SGIP1: variants seen among roughly 807,000 people sequenced by gnomAD.
SGIP1 encodes the protein SH3-containing GRB2-like protein 3-interacting protein 1.
In SGIP1, 38 loss-of-function variants were observed where a neutral mutation model predicts 107.5. That is an observed-to-expected ratio of 0.35 (90% CI 0.27 to 0.46). SGIP1 has a LOEUF of 0.46. SGIP1 is among the 20% of genes least tolerant of loss of function. The pLI is 1.00. For missense variants in SGIP1, 929 were observed against 1,019.5 expected, an observed-to-expected ratio of 0.91 and a Z score of 1.21; for synonymous variants, 365 against 366.1, an observed-to-expected ratio of 1.00 and a Z score of 0.03.
intron 22 of SGIP1, 66 bp from the exon 23 acceptor site, chr1:66,740,592 A>G (rs1053713275): frequency 2.0e-6 from 2 of 1,005,458 alleles, no homozygotes; most frequent in African/African-American, 3.3e-5. Context: ...TCTGGAAAAA[A>G]AACATGGCAT....
At chr1:66,642,732 T>C in intron 5 of SGIP1, 78 bp from the exon 6 acceptor site, 1 of 1,249,596 alleles carries the variant, frequency 8.0e-7, no homozygotes, top group Non-Finnish European at 1.1e-6. Flanking sequence ...TATCCTTAAA[T>C]AGAAGACTCT....
chr1:66,631,681 T>TTCTCTCTCTCTCTCTCTCTCTCTCTCTC (rs71058468), intron 2 of SGIP1, among the ~76,000 whole-genome samples: 10 of 132,160 alleles, frequency 7.6e-5, no homozygotes, highest in African/African-American at 1.4e-4. Flanking sequence ...CTCTCTCTCT[T>TTCTCTCTCTCTCTCTCTCTCTCTCTCTC]TCTCTCTCTC....
rs757734624 is a variant in SGIP1, at chr1:66,749,678, G to A, written c.*6583G>A. ...CATAAGCCATTTATAATTTTTAAAC[G>A]TTCCATTGAATGAGTATATCATACA... On this transcript the variant is annotated 3_prime_UTR_variant, in exon 25 of 25. Coordinates refer to ENST00000371037, the MANE Select transcript of SGIP1 (RefSeq NM_032291.4). Among the ~76,000 whole-genome samples the A allele has an allele frequency of 2.0e-5, 3 of 151,884 alleles. No individual in the cohort carries two copies. Among genetic ancestry groups the A allele is most frequent in the South Asian group, 4.1e-4 (2 of 4,830 alleles).
Position 66,671,851 on chromosome 1 carries a change from C to T in SGIP1, c.509-93C>T, listed in dbSNP as rs1041535265. ...CATACTGAGTTGCTTATTGATGGGACTTAAATCTCTAAGTGTTTCCAAACA... is the reference window on the plus strand; with the variant it reads ...CATACTGAGTTGCTTATTGATGGGATTTAAATCTCTAAGTGTTTCCAAACA... On this transcript the variant is annotated intron_variant, in intron 10 of 24. Coordinates refer to ENST00000371037, the MANE Select transcript of SGIP1 (RefSeq NM_032291.4). 9 of 1,245,006 alleles carry T rather than the reference C, an allele frequency of 7.2e-6. No homozygotes were observed. The African/African-American group carries it at 1.3e-4, about 19-fold the overall frequency. 77.1% of individuals were successfully genotyped at this position (1,245,006 alleles called of 1,614,324 possible). A position where few individuals can be genotyped will look rare whatever the true frequency, so the allele number is the denominator to read the frequency against.
intron 18 of SGIP1, among the ~76,000 whole-genome samples, chr1:66,706,067 T>C (rs1476559492): frequency 6.6e-6 from 1 of 151,942 alleles, no homozygotes; most frequent in East Asian, 1.9e-4. Context: ...TAACAAAATG[T>C]TTCTGAATTC....
chr1:66,735,194 G>GTTATT (rs199562593), intron 21 of SGIP1, among the ~76,000 whole-genome samples: 1,518 of 151,212 alleles, frequency 0.01, 24 homozygotes, highest in African/African-American at 0.032. Flanking sequence ...TTATTTTTAT[G>GTTATT]TTATTTTATT....
intron 1 of SGIP1, among the ~76,000 whole-genome samples, chr1:66,608,931 A>G (rs1364690295): frequency 1.3e-5 from 2 of 149,454 alleles, no homozygotes; most frequent in East Asian, 3.9e-4. Context: ...GTAAGTATTT[A>G]GTCGAGGTTT....
At chr1:66,568,978 C>T (rs6680968) in intron 1 of SGIP1, among the ~76,000 whole-genome samples, 77,460 of 151,572 alleles carry the variant, frequency 0.51, 20,758 homozygotes, top group South Asian at 0.78. Flanking sequence ...TGATGATGCT[C>T]ATGAAAAAAA....
chr1:66,600,761 G>A (rs888440094), intron 1 of SGIP1, among the ~76,000 whole-genome samples: 3 of 152,152 alleles, frequency 2.0e-5, no homozygotes, highest in South Asian at 2.1e-4. Context: ...AAGCCTGTGG[G>A]TTTTACCAGA....
At chr1:66,700,674 A>AT (rs1047592960) in intron 18 of SGIP1, among the ~76,000 whole-genome samples, 2 of 152,106 alleles carry the variant, frequency 1.3e-5, no homozygotes, top group Non-Finnish European at 2.9e-5. Flanking sequence ...AATATTTATC[A>AT]TTTTTTTGGG....
intron 2 of SGIP1, among the ~76,000 whole-genome samples, chr1:66,627,743 A>G (rs1428907333): frequency 1.3e-5 from 2 of 152,126 alleles, no homozygotes; most frequent in Admixed American, 1.3e-4. Context: ...GTTTCTTAAG[A>G]AGTTTGCCAT....
intron 1 of SGIP1, among the ~76,000 whole-genome samples, chr1:66,582,486 T>C (rs2061966649): frequency 6.6e-6 from 1 of 151,936 alleles, no homozygotes; most frequent in African/African-American, 2.4e-5. Flanking sequence ...GATTAAGTTT[T>C]TGATTAAGTG....
At position 66,625,871 on chromosome 1, in the gene SGIP1, C is replaced by T. The variant is rs1570801081; in HGVS notation, c.35C>T (p.Ala12Val). Residue 12 changes from alanine (A) to valine (V), a missense_variant, in exon 2 of 25, where the codon GCC (alanine) becomes GTC (valine). Physicochemically the swap from Ala to Val is moderately conservative, Grantham distance 64 (BLOSUM62 0). This residue lies in a region of SGIP1 where 588 missense variants were observed against 588.6 expected (regional missense o/e 1.00). Coordinates refer to ENST00000371037, the MANE Select transcript of SGIP1 (RefSeq NM_032291.4). ...MEGLKKRTRK[A>V]FGIRKKEKDT... ...GGATTGAAAAAACGTACAAGGAAGG[C>T]CTTTGGAATACGGAAGAAAGAAAAG... 3.1e-6 allele frequency: 5 copies of T among 1,612,164 alleles called. No individual in the cohort carries two copies. Among genetic ancestry groups the T allele is most frequent in the Non-Finnish European group, 4.2e-6 (5 of 1,178,888 alleles).
At chr1:66,647,424 T>C (rs573884681) in intron 7 of SGIP1, among the ~76,000 whole-genome samples, 3 of 152,296 alleles carry the variant, frequency 2.0e-5, no homozygotes, top group African/African-American at 7.2e-5. Flanking sequence ...AATGTAGTGT[T>C]TTGCTAGATA....
intron 7 of SGIP1, among the ~76,000 whole-genome samples, chr1:66,655,909 C>T (rs966097592): frequency 6.6e-6 from 1 of 151,798 alleles, no homozygotes; most frequent in African/African-American, 2.4e-5. Flanking sequence ...TAAAATTAGC[C>T]TTATAACTCT....
At chr1:66,740,050 T>C (rs2094397206) in intron 22 of SGIP1, among the ~76,000 whole-genome samples, 1 of 152,224 alleles carries the variant, frequency 6.6e-6, no homozygotes, top group Non-Finnish European at 1.5e-5. Flanking sequence ...CTCCCTTCTG[T>C]CTTCTAAATC....
At chr1:66,611,677 T>A (rs1218956240) in intron 1 of SGIP1, among the ~76,000 whole-genome samples, 1 of 152,178 alleles carries the variant, frequency 6.6e-6, no homozygotes, top group Non-Finnish European at 1.5e-5. Flanking sequence ...GGGAGAAGTC[T>A]ATGTGAACAG....
intron 1 of SGIP1, among the ~76,000 whole-genome samples, chr1:66,579,825 C>T (rs192684163): frequency 5.3e-4 from 80 of 152,274 alleles, no homozygotes; most frequent in Non-Finnish European, 9.1e-4. Flanking sequence ...TCATTCTCTC[C>T]TCTTCCCCAT....
At chr1:66,595,069 G>T (rs1570294344) in intron 1 of SGIP1, among the ~76,000 whole-genome samples, 1 of 152,218 alleles carries the variant, frequency 6.6e-6, no homozygotes, top group East Asian at 1.9e-4. Flanking sequence ...AATTTTCCAG[G>T]GGCACGCTGT....
Sources: gnomAD v4.1 joint callset for allele counts (sites outside exome capture counted in the v4.1 genomes callset) on GRCh38, gnomAD v4.1.1 for gene constraint, gnomAD v4.1.1 regional missense constraint, MANE v1.5 for transcripts, NCBI Gene and HGNC (gene_info 2026-07-23, HGNC 2026-07-21) for gene names.